DMGDH: variants seen among roughly 807,000 people sequenced by gnomAD.
DMGDH encodes dimethylglycine dehydrogenase, mitochondrial.
A neutral mutation model predicts 95.2 loss-of-function variants in DMGDH; 76 were observed. That is an observed-to-expected ratio of 0.80 (90% confidence interval 0.66 to 0.97). The LOEUF (loss-of-function observed/expected upper bound fraction) is 0.97. Among genes scored for constraint, DMGDH ranks in the 50% least tolerant of loss-of-function variants. The pLI is 0.00. For synonymous variants in DMGDH, 345 were observed against 377.6 expected, an observed-to-expected ratio of 0.91 and a Z score of 1.00; for missense variants, 987 against 1,055.0, an observed-to-expected ratio of 0.94 and a Z score of 0.89.
At chr5:79,044,907 G>A (rs76750900) in intron 5 of DMGDH, among the ~76,000 whole-genome samples, 606 of 152,220 alleles carry the variant, frequency 4.0e-3, no homozygotes, top group Non-Finnish European at 7.1e-3. Context: ...AAGAAGTACC[G>A]TAACAAGACT....
chr5:79,014,617 T>G (rs1753697146), intron 14 of DMGDH, among the ~76,000 whole-genome samples: 1 of 152,204 alleles, frequency 6.6e-6, no homozygotes, highest in Non-Finnish European at 1.5e-5. Context: ...ATTTCATGTA[T>G]AGTTCCTTTA....
At chr5:79,000,079 A>G (rs1263934239) in intron 15 of DMGDH, 1 of 368,984 alleles carries the variant, frequency 2.7e-6, no homozygotes, top group East Asian at 6.2e-5. Context: ...ATACTCCTGG[A>G]TTTTCACTTA....
Position 79,050,248 on chromosome 5 carries a change from C to CAAAAAAAAAA in DMGDH, c.745+1029_745+1038dup, listed in dbSNP as rs57662602. On this transcript the variant is annotated intron_variant, in intron 5 of 15. Transcript: ENST00000255189. Reference sequence around the variant, plus strand: ...GGGGCACAAGAGCAAAACTTTGTCTCAAAAAAAAAAAAAAAAAAAAAAAAA... The same window carrying CAAAAAAAAAA: ...GGGGCACAAGAGCAAAACTTTGTCTCAAAAAAAAAAAAAAAAAAAAAAAAAAAAAAAAAAA... Among the ~76,000 whole-genome samples, 20 of 78,632 alleles carry CAAAAAAAAAA rather than the reference C, an allele frequency of 2.5e-4. 1 individual carries two copies. The highest frequency in any genetic ancestry group is 6.3e-4 in the African/African-American group (12 of 18,926). The allele number at this position is 78,632 out of a possible 152,430, so 51.6% of individuals were successfully genotyped here.
intron 14 of DMGDH, 39 bp from the exon 15 acceptor site, chr5:79,005,446 A>C: frequency 6.2e-7 from 1 of 1,613,672 alleles, no homozygotes. Flanking sequence ...ATGAATGCTC[A>C]GACACTGTGA....
chr5:79,055,148 T>C (rs1027112671), intron 3 of DMGDH, among the ~76,000 whole-genome samples: 1 of 152,148 alleles, frequency 6.6e-6, no homozygotes, highest in Non-Finnish European at 1.5e-5. Context: ...CAAAACTATA[T>C]GTTATTGAGA....
chr5:79,050,273 A>AAAAT (rs1554037270), intron 5 of DMGDH, among the ~76,000 whole-genome samples: 6 of 20,934 alleles, frequency 2.9e-4, no homozygotes, highest in East Asian at 1.7e-3. Context: ...AAAAAAAAAA[A>AAAAT]ATATATATAT....
At chr5:79,027,683 G>A (rs1394378776) in intron 12 of DMGDH, among the ~76,000 whole-genome samples, 1 of 152,000 alleles carries the variant, frequency 6.6e-6, no homozygotes, top group East Asian at 1.9e-4. Context: ...CTTACAGTCT[G>A]GAAGGAAAGA....
At position 79,050,287 on chromosome 5, in the gene DMGDH, T is replaced by A. The variant is rs1345257193; in HGVS notation, c.745+1000A>T. ...AAAAAAAAAAAAATATATATATATA[T>A]ATATATATATATATACCTCAAAAGT... On this transcript the variant is annotated intron_variant, in intron 5 of 15. Transcript: ENST00000255189. Among the ~76,000 whole-genome samples the A allele has an allele frequency of 1.8e-3, 200 of 111,044 alleles. 3 individuals are homozygous for A. The highest frequency in any genetic ancestry group is 5.5e-3 in the African/African-American group (182 of 32,800). 72.8% of individuals were successfully genotyped at this position (111,044 alleles called of 152,430 possible). A position where few individuals can be genotyped will look rare whatever the true frequency, so the allele number is the denominator to read the frequency against.
chr5:79,053,850 A>C (rs897825968), intron 4 of DMGDH, among the ~76,000 whole-genome samples: 1 of 152,182 alleles, frequency 6.6e-6, no homozygotes, highest in African/African-American at 2.4e-5. Flanking sequence ...GACATTTATC[A>C]TATCAGGTTA....
At chr5:79,043,731 A>G (rs1359661618) in intron 6 of DMGDH, among the ~76,000 whole-genome samples, 3 of 152,238 alleles carry the variant, frequency 2.0e-5, no homozygotes, top group Admixed American at 1.3e-4. Flanking sequence ...AAGCAAAAAC[A>G]GAACCATCTC....
intron 14 of DMGDH, 133 bp downstream of exon 14, chr5:79,024,138 C>G (rs755640008): frequency 1.7e-5 from 13 of 782,080 alleles, no homozygotes; most frequent in Middle Eastern, 2.8e-4. Flanking sequence ...CACAATTGAG[C>G]AATGCTAGTA....
chr5:78,999,784 A>G (rs1392898760), intron 15 of DMGDH, among the ~76,000 whole-genome samples: 1 of 152,244 alleles, frequency 6.6e-6, no homozygotes, highest in African/African-American at 2.4e-5. Flanking sequence ...CACATGCTTT[A>G]AAATTGCTTT....
At chr5:79,004,247 T>C (rs1248730040) in intron 15 of DMGDH, among the ~76,000 whole-genome samples, 1 of 152,174 alleles carries the variant, frequency 6.6e-6, no homozygotes, top group African/African-American at 2.4e-5. Flanking sequence ...AAATATCTGG[T>C]ATACAGTAAG....
At chr5:79,052,372 T>G (rs180954044) in intron 4 of DMGDH, among the ~76,000 whole-genome samples, 1 of 152,182 alleles carries the variant, frequency 6.6e-6, no homozygotes, top group Non-Finnish European at 1.5e-5. Context: ...TTGAGAGAGA[T>G]TGGCATTAAG....
intron 14 of DMGDH, among the ~76,000 whole-genome samples, chr5:79,019,915 G>A (rs1321654132): frequency 5.3e-5 from 8 of 149,966 alleles, no homozygotes; most frequent in Non-Finnish European, 2.9e-5. Flanking sequence ...CAGATAGATC[G>A]ATAGATAGAT....
At chr5:79,003,836 A>G (rs2112598516) in intron 15 of DMGDH, among the ~76,000 whole-genome samples, 1 of 152,284 alleles carries the variant, frequency 6.6e-6, no homozygotes, top group East Asian at 1.9e-4. Context: ...AAACCCAGCT[A>G]CTGGGGAGGC....
At chr5:79,052,864 G>A (rs149669833) in intron 4 of DMGDH, among the ~76,000 whole-genome samples, 14 of 152,224 alleles carry the variant, frequency 9.2e-5, no homozygotes, top group South Asian at 2.1e-4. Flanking sequence ...GTGAAGACTC[G>A]CAAAGGCAAA....
intron 11 of DMGDH, among the ~76,000 whole-genome samples, chr5:79,029,051 T>C (rs1053563215): frequency 6.6e-6 from 1 of 152,204 alleles, no homozygotes; most frequent in African/African-American, 2.4e-5. Flanking sequence ...AGGTTAATAA[T>C]GTGCCTGCCA....
chr5:79,032,667 A>G lies in DMGDH; in HGVS notation c.1517+20T>C. ...TCACCCCTCGGTCAGAACCACAGGC[A>G]GGTAAAGTCCTTCTCCCACCTGTAC... is the stretch of plus-strand genomic sequence containing the variant. On this transcript the variant is annotated intron_variant, in intron 9 of 15. Coordinates refer to ENST00000255189, the MANE Select transcript of DMGDH (RefSeq NM_013391.3). 4 of 1,614,088 alleles carry G rather than the reference A, an allele frequency of 2.5e-6. No homozygotes were observed. The South Asian group carries it at 4.4e-5, about 18-fold the overall frequency.
Sources: gnomAD v4.1 joint callset for allele counts (sites outside exome capture counted in the v4.1 genomes callset) on GRCh38, gnomAD v4.1.1 for gene constraint, MANE v1.5 for transcripts, NCBI Gene and HGNC (gene_info 2026-07-23, HGNC 2026-07-21) for gene names.